The following CBR4 variants were observed in gnomAD, a reference collection of about 807,000 sequenced individuals.
The protein encoded by CBR4 is 3-oxoacyl-[acyl-carrier-protein] reductase.
A neutral mutation model predicts 21.0 loss-of-function variants in CBR4; 22 were observed. The observed-to-expected ratio is 1.05, with a 90% CI of 0.75 to 1.50. The LOEUF (loss-of-function observed/expected upper bound fraction) is 1.50, where lower values mean the gene tolerates loss of function less well. Ranked by LOEUF, CBR4 falls within the 40% of genes most tolerant of loss-of-function variation. The probability of loss-of-function intolerance (pLI) is 0.00; values close to 1 mark genes in which losing one functional copy is unlikely to be tolerated. For synonymous variants in CBR4, 100 were observed against 104.4 expected, an observed-to-expected ratio of 0.96 and a Z score of 0.26; for missense variants, 302 against 286.3, an observed-to-expected ratio of 1.05 and a Z score of -0.40.
chr4:168,983,501 A>G (rs1764598886), downstream of CBR4, among the ~76,000 whole-genome samples: 1 of 152,078 alleles, frequency 6.6e-6, no homozygotes, highest in Non-Finnish European at 1.5e-5. Flanking sequence ...ACTGGTACCA[A>G]TTCTACTGAA....
Position 169,010,193 on chromosome 4 carries a change from A to C in CBR4, c.-104T>G. 1.8e-6 allele frequency: 2 copies of C among 1,110,770 alleles called. No individual in the cohort carries two copies. The highest frequency in any genetic ancestry group is 2.5e-6 in the Non-Finnish European group (2 of 808,584). The allele number at this position is 1,110,770 out of a possible 1,614,324, so 68.8% of individuals were successfully genotyped here. On this transcript the variant is annotated 5_prime_UTR_variant, in exon 1 of 5. Coordinates refer to ENST00000306193, the MANE Select transcript of CBR4 (RefSeq NM_032783.5). ...GCGGTTCCAAAAAAAAAAAAAAGAAAAAAAAAGGCAAACCGCAAAAAAAAA... is the reference window on the plus strand; with the variant it reads ...GCGGTTCCAAAAAAAAAAAAAAGAACAAAAAAGGCAAACCGCAAAAAAAAA...
intron 2 of CBR4, chr4:168,916,114 ATAAAGTATAAAATGAGAG>A: frequency 7.7e-7 from 1 of 1,306,946 alleles, no homozygotes; most frequent in Non-Finnish European, 1.1e-6. Context: ...GGGAAATTAC[ATAAAGTATAAAATGAGAG>A]CTGGGCACAG....
chr4:168,932,905 G>A (rs537497465), intron 2 of CBR4, among the ~76,000 whole-genome samples: 1 of 152,154 alleles, frequency 6.6e-6, no homozygotes, highest in African/African-American at 2.4e-5. Context: ...GCTAAGGGAA[G>A]ACTAGCCTTA....
chr4:168,977,065 G>C (rs1477903768), intron 2 of CBR4, among the ~76,000 whole-genome samples: 3 of 152,326 alleles, frequency 2.0e-5, no homozygotes, highest in Middle Eastern at 3.4e-3. Context: ...TTCTTACAAA[G>C]GGTCTGTGAA....
Position 169,010,136 on chromosome 4 carries a change from C to G in CBR4, c.-47G>C. 1 of 1,503,964 alleles carries G rather than the reference C, an allele frequency of 6.6e-7. No homozygotes were observed. The highest frequency in any genetic ancestry group is 8.9e-7 in the Non-Finnish European group (1 of 1,117,548). The allele number at this position is 1,503,964 out of a possible 1,614,324, so 93.2% of individuals were successfully genotyped here. On this transcript the variant is annotated 5_prime_UTR_variant, in exon 1 of 5. Coordinates refer to ENST00000306193, the MANE Select transcript of CBR4 (RefSeq NM_032783.5). ...GAAAGAGGGTAGGGAGTGGGAGCCCCTCTCCAGGTTCCCTCAGGCTTTTAA... is the reference window on the plus strand; with the variant it reads ...GAAAGAGGGTAGGGAGTGGGAGCCCGTCTCCAGGTTCCCTCAGGCTTTTAA...
intron 2 of CBR4, among the ~76,000 whole-genome samples, chr4:168,966,319 C>G (rs756502413): frequency 9.3e-5 from 13 of 139,784 alleles, no homozygotes; most frequent in African/African-American, 1.6e-4. Flanking sequence ...CAAGACCATC[C>G]TGGCTAACAG....
At chr4:168,943,554 G>A (rs376150886) in intron 2 of CBR4, among the ~76,000 whole-genome samples, 3 of 152,126 alleles carry the variant, frequency 2.0e-5, no homozygotes, top group East Asian at 3.9e-4. Flanking sequence ...AAAATATGCC[G>A]GGAGTGAACA....
chr4:168,927,662 T>G (rs1762729473), intron 2 of CBR4: 1 of 226,362 alleles, frequency 4.4e-6, no homozygotes, highest in South Asian at 1.8e-4. Flanking sequence ...GCCATGAAAC[T>G]TTGCCTTAAG....
intron 2 of CBR4, among the ~76,000 whole-genome samples, chr4:168,929,244 A>AGTT (rs1762885760): frequency 6.6e-6 from 1 of 152,204 alleles, no homozygotes; most frequent in Admixed American, 6.5e-5. Flanking sequence ...ATATCTACAT[A>AGTT]GTTACAACAG....
chr4:168,912,872 C>T (rs1269713906), intron 2 of CBR4, among the ~76,000 whole-genome samples: 1 of 152,104 alleles, frequency 6.6e-6, no homozygotes, highest in Non-Finnish European at 1.5e-5. Flanking sequence ...TCTCCCCGAC[C>T]CCACCACCCC....
chr4:168,958,861 C>G (rs1322854190), intron 2 of CBR4, among the ~76,000 whole-genome samples: 4 of 152,140 alleles, frequency 2.6e-5, no homozygotes, highest in African/African-American at 7.2e-5. Context: ...AAGGTCTATT[C>G]AAATCATTTG....
intron 2 of CBR4, among the ~76,000 whole-genome samples, chr4:168,947,814 A>G (rs945597491): frequency 6.6e-6 from 1 of 152,116 alleles, no homozygotes; most frequent in Non-Finnish European, 1.5e-5. Context: ...CGATTTTGCA[A>G]TTGTGAATTA....
chr4:168,912,904 T>C (rs932059347), intron 2 of CBR4, among the ~76,000 whole-genome samples: 23 of 152,150 alleles, frequency 1.5e-4, no homozygotes, highest in Non-Finnish European at 3.4e-4. Flanking sequence ...AATTGACAAA[T>C]TTAAGAGAAC....
At chr4:168,904,045 C>G (rs1222077663) in intron 2 of CBR4, 10 of 845,834 alleles carry the variant, frequency 1.2e-5, no homozygotes, top group Non-Finnish European at 1.8e-5. Context: ...CTACATCCAT[C>G]TTGGTTTCAG....
chr4:168,938,603 C>A (rs1045117858), intron 2 of CBR4, among the ~76,000 whole-genome samples: 2 of 151,986 alleles, frequency 1.3e-5, no homozygotes, highest in African/African-American at 4.8e-5. Flanking sequence ...ATCAAATAAA[C>A]GCAATAAAAA....
chr4:169,003,136 T>C (rs1333062834), intron 3 of CBR4, among the ~76,000 whole-genome samples: 2 of 152,236 alleles, frequency 1.3e-5, no homozygotes, highest in Admixed American at 1.3e-4. Flanking sequence ...AGAAACATTT[T>C]ATAAGTCTAT....
intron 2 of CBR4, among the ~76,000 whole-genome samples, chr4:168,950,182 T>C (rs1763501036): frequency 1.3e-5 from 2 of 152,176 alleles, no homozygotes; most frequent in Non-Finnish European, 2.9e-5. Context: ...GGTTTGTTCT[T>C]CTTTCTCCAG....
chr4:168,966,377 A>AAAAAAAAAAC, intron 2 of CBR4, among the ~76,000 whole-genome samples: 1 of 149,028 alleles, frequency 6.7e-6, no homozygotes, highest in Non-Finnish European at 1.5e-5. Flanking sequence ...AAAAAAAAAA[A>AAAAAAAAAAC]AAGGCCAGGC....
intron 2 of CBR4, chr4:168,926,135 C>A: frequency 8.4e-7 from 1 of 1,185,354 alleles, no homozygotes; most frequent in Non-Finnish European, 1.2e-6. Flanking sequence ...TCTAGACATT[C>A]TGTATTTATT....
Sources: gnomAD v4.1 joint callset for allele counts (sites outside exome capture counted in the v4.1 genomes callset) on GRCh38, gnomAD v4.1.1 for gene constraint, MANE v1.5 for transcripts, NCBI Gene and HGNC (gene_info 2026-07-23, HGNC 2026-07-21) for gene names.